Variants in MAP3K15 observed in about 807,000 individuals in gnomAD.
MAP3K15 encodes mitogen-activated protein kinase kinase kinase 15.
Under a neutral mutation model 99.5 loss-of-function variants are expected in MAP3K15, and 124 were observed. That is an observed-to-expected ratio of 1.25 (90% CI 1.08 to 1.45). The LOEUF is 1.45. MAP3K15 is among the 40% of genes most tolerant of loss of function. The pLI is 0.00. For synonymous variants in MAP3K15, 494 were observed against 439.6 expected (o/e 1.12, Z -1.55); for missense variants, 1,242 against 1,079.7 (o/e 1.15, Z -2.11).
chrX:19,415,813 C>T (rs2063730050), intron 9 of MAP3K15, among the ~76,000 whole-genome samples: 1 of 111,791 alleles, frequency 8.9e-6, no homozygotes, highest in Non-Finnish European at 1.9e-5. Context: ...AACATATATA[C>T]AAATCTCTTA....
rs2064150607 is a variant in MAP3K15, at chrX:19,464,286, T to C, written c.646A>G (p.Ile216Val). Reference protein sequence around the residue: ...SEYMQPNWDNILGPLCMPLVD... With the variant: ...SEYMQPNWDNVLGPLCMPLVD... ...AAAGGCATGCACAGCGGGCCCAGGA[T>C]GTTGTCCCAGTTGGGCTGCATGTAC... Residue 216 changes from isoleucine (I) to valine (V), a missense_variant, in exon 4 of 29, where the codon ATC (isoleucine) becomes GTC (valine). Transcript: ENST00000338883. 8.3e-7 allele frequency: 1 copy of C among 1,198,030 alleles called. No homozygotes were observed. Among genetic ancestry groups the C allele is most frequent in the East Asian group, 3.0e-5 (1 of 33,738 alleles).
At chrX:19,514,339 T>G (rs945774598) in intron 1 of MAP3K15, among the ~76,000 whole-genome samples, 1 of 104,892 alleles carries the variant, frequency 9.5e-6, no homozygotes, top group Non-Finnish European at 2.0e-5. Context: ...TTGGATAACT[T>G]GGGAGAAGGG....
rs763084642 is a variant in MAP3K15 at position 19,373,685 on chromosome X, G to A, written c.2784C>T (p.Arg928=). 474 of 1,197,320 alleles carry A rather than the reference G, an allele frequency of 4.0e-4. No homozygotes were observed. The highest frequency in any genetic ancestry group is 8.6e-4 in the Admixed American group (39 of 45,459). Residue 928 remains arginine (R), a synonymous_variant, in exon 21 of 29, where the codon CGC becomes CGT. Transcript: ENST00000338883. The part of the protein sequence containing the change: ...RIAFKPSEGP[R]GVVLALPTQG... Reference sequence around the variant, plus strand: ...GTGTGGGCAGGGCCAGGACGACACCGCGGGGACCTTCTGTAGGGGGACAGC... The same window carrying A: ...GTGTGGGCAGGGCCAGGACGACACCACGGGGACCTTCTGTAGGGGGACAGC...
chrX:19,424,333 T>TA (rs1246314514), intron 9 of MAP3K15, among the ~76,000 whole-genome samples: 23 of 99,381 alleles, frequency 2.3e-4, no homozygotes, highest in East Asian at 8.8e-4. Context: ...TATATATATA[T>TA]TTTTTTATGC....
At chrX:19,411,688 G>A (rs971632899) in intron 11 of MAP3K15, among the ~76,000 whole-genome samples, 4 of 110,444 alleles carry the variant, frequency 3.6e-5, no homozygotes, top group Admixed American at 2.9e-4. Flanking sequence ...GGGGGAAGAA[G>A]GAAGCCACGT....
At chrX:19,430,280 C>T (rs1399562426) in intron 7 of MAP3K15, among the ~76,000 whole-genome samples, 1 of 111,623 alleles carries the variant, frequency 9.0e-6, no homozygotes, top group African/African-American at 3.3e-5. Context: ...TTCTGCATAC[C>T]AGGTAAGAAA....
intron 16 of MAP3K15, among the ~76,000 whole-genome samples, chrX:19,394,789 CTTTTTTTTTTTTTTTTTTTTTTTT>C (rs144723219): frequency 1.3e-3 from 23 of 17,524 alleles, no homozygotes; most frequent in East Asian, 9.8e-3. Flanking sequence ...GGGTCTGTTG[CTTTTTTTTTTTTTTTTTTTTTTTT>C]TTTTTTTTTT....
At chrX:19,475,629 G>C (rs2064237303) in intron 3 of MAP3K15, among the ~76,000 whole-genome samples, 1 of 110,985 alleles carries the variant, frequency 9.0e-6, no homozygotes, top group South Asian at 3.9e-4. Flanking sequence ...AACAGTGCAA[G>C]GCCCATCTGC....
intron 3 of MAP3K15, among the ~76,000 whole-genome samples, chrX:19,469,916 G>A (rs1420299923): frequency 9.2e-6 from 1 of 109,120 alleles, no homozygotes; most frequent in Admixed American, 9.8e-5. Context: ...TGCTGGAGAG[G>A]ATGTGGAGAA....
intron 4 of MAP3K15, among the ~76,000 whole-genome samples, chrX:19,462,578 TAAG>T (rs72238845): frequency 0.091 from 10,141 of 111,609 alleles, 890 homozygotes; most frequent in African/African-American, 0.27. Context: ...CTAAGAAACC[TAAG>T]AAGAACAGTA....
In MAP3K15 at chrX:19,452,956, C is replaced by T. The variant is rs193291881; in HGVS notation, c.995+3957G>A. 3.3e-3 allele frequency among the ~76,000 whole-genome samples: 370 copies of T among 110,570 alleles called. 1 individual carries two copies. Among genetic ancestry groups the T allele is most frequent in the African/African-American group, 0.012 (351 of 30,386 alleles). On this transcript the variant is annotated intron_variant, in intron 6 of 28. Coordinates refer to ENST00000338883, the MANE Select transcript of MAP3K15 (RefSeq NM_001001671.4). ...GAAGCCAAAAGATTGGACAGTAGTG[C>T]TGTACGATTTCACTTATATGAGGTA...
At chrX:19,494,877 T>TAAAAAAAAAAAA (rs1330420764) in intron 1 of MAP3K15, among the ~76,000 whole-genome samples, 1 of 82,953 alleles carries the variant, frequency 1.2e-5, no homozygotes, top group Non-Finnish European at 2.5e-5. Flanking sequence ...AAAGCTACCT[T>TAAAAAAAAAAAA]TAAAAAAAAA....
chrX:19,491,063 G>T (rs1478649686), intron 1 of MAP3K15, among the ~76,000 whole-genome samples: 1 of 111,416 alleles, frequency 9.0e-6, no homozygotes, highest in East Asian at 2.8e-4. Flanking sequence ...GAACAAGGGC[G>T]TGAAGAAACA....
At chrX:19,478,468 T>C (rs1299167725) in intron 3 of MAP3K15, among the ~76,000 whole-genome samples, 1 of 107,858 alleles carries the variant, frequency 9.3e-6, no homozygotes, top group African/African-American at 3.4e-5. Context: ...CATAGGAAAC[T>C]GAAGGCCTGA....
chrX:19,369,160 C>T lies in MAP3K15; in HGVS notation c.3460G>A (p.Glu1154Lys), dbSNP rs988090325. 4.1e-6 allele frequency: 5 copies of T among 1,209,471 alleles called. No individual in the cohort carries two copies. Among genetic ancestry groups the T allele is most frequent in the Non-Finnish European group, 3.4e-6 (3 of 895,049 alleles). Residue 1154 changes from glutamate to lysine, a missense_variant, in exon 25 of 29, where the codon GAA (glutamate) becomes AAA (lysine). Physicochemically the swap from Glu to Lys is moderately conservative, Grantham distance 56. Transcript: ENST00000338883. The part of the protein sequence containing the change: ...ETEGVDKDMD[E>K]AEEGYPPATG... ...GCTGGGGGATAGCCCTCTTCCGCTT[C>T]ATCCATGTCCTTATCTACCCCTTCA...
At chrX:19,464,537 T>A in intron 3 of MAP3K15, 131 bp from the exon 4 acceptor site, 1 of 474,633 alleles carries the variant, frequency 2.1e-6, no homozygotes, top group Non-Finnish European at 3.5e-6. Context: ...AATACGACTA[T>A]GGATCTATTA....
intron 7 of MAP3K15, among the ~76,000 whole-genome samples, chrX:19,430,382 G>T (rs2063871493): frequency 9.0e-6 from 1 of 111,462 alleles, no homozygotes; most frequent in African/African-American, 3.3e-5. Context: ...GGGGTCATTT[G>T]GATCTTCCAG....
Position 19,464,326 on chromosome X carries a change from C to T in MAP3K15, c.606G>A (p.Gln202=), listed in dbSNP as rs1191971759. 8.3e-7 allele frequency: 1 copy of T among 1,199,138 alleles called. No homozygotes were observed. The highest frequency in any genetic ancestry group is 1.1e-6 in the Non-Finnish European group (1 of 894,363). The part of the protein sequence containing the change: ...ADYFCCESDA[Q]RRASEYMQPN... ...GCTGCATGTACTCGGAGGCTCGTCTCTGGGCATCACTCTCGCAGCAAAAAT... is the reference window on the plus strand; with the variant it reads ...GCTGCATGTACTCGGAGGCTCGTCTTTGGGCATCACTCTCGCAGCAAAAAT... The change falls in exon 4 of 29, where the codon CAG becomes CAA. Residue 202 remains glutamine, a synonymous_variant. Transcript: ENST00000338883.
chrX:19,413,496 A>G, intron 10 of MAP3K15, 32 bp from the exon 11 acceptor site: 3 of 1,087,826 alleles, frequency 2.8e-6, no homozygotes, highest in South Asian at 1.9e-5. Context: ...GTTAACGTAC[A>G]TGGGTAGAAA....
Sources: allele counts gnomAD v4.1 joint callset (sites outside exome capture counted in the v4.1 genomes callset), GRCh38; gene constraint gnomAD v4.1.1; transcripts MANE v1.5; gene names NCBI Gene and HGNC (gene_info 2026-07-23, HGNC 2026-07-21).